The following KLHL1 variants were observed in gnomAD, a reference collection of about 807,000 sequenced individuals.
The protein encoded by KLHL1 is kelch like family member 1.
A neutral mutation model predicts 77.7 loss-of-function variants in KLHL1; 47 were observed. The observed-to-expected ratio is 0.60, with a 90% CI of 0.48 to 0.77. The LOEUF is 0.77. Among genes scored for constraint, KLHL1 ranks in the 30% least tolerant of loss-of-function variants. The pLI, the probability that KLHL1 is intolerant of heterozygous loss-of-function variation, is 0.00. For synonymous variants in KLHL1, 360 were observed against 325.2 expected (o/e 1.11, Z -1.15); for missense variants, 925 against 910.8 (o/e 1.02, Z -0.20).
chr13:69,749,009 C>T (rs7990295), intron 7 of KLHL1, among the ~76,000 whole-genome samples: 62,507 of 151,760 alleles, frequency 0.41, 13,045 homozygotes, highest in African/African-American at 0.46. Context: ...AAAATATTCA[C>T]ACTTTATGCT....
At chr13:69,855,191 A>G (rs1328132932) in intron 5 of KLHL1, among the ~76,000 whole-genome samples, 2 of 152,004 alleles carry the variant, frequency 1.3e-5, no homozygotes, top group African/African-American at 2.4e-5. Flanking sequence ...AGAACCATAA[A>G]ACAGACTGTC....
At chr13:69,923,728 T>A (rs1342262529) in intron 4 of KLHL1, among the ~76,000 whole-genome samples, 1 of 152,160 alleles carries the variant, frequency 6.6e-6, no homozygotes, top group Non-Finnish European at 1.5e-5. Flanking sequence ...GAGCAGCTGC[T>A]GCGATGATGC....
intron 9 of KLHL1, among the ~76,000 whole-genome samples, chr13:69,714,940 G>A (rs1225207790): frequency 6.6e-6 from 1 of 152,030 alleles, no homozygotes; most frequent in Non-Finnish European, 1.5e-5. Context: ...ATTTATTCGT[G>A]CATATTTGTA....
At chr13:69,794,744 A>G (rs1877030137) in intron 7 of KLHL1, among the ~76,000 whole-genome samples, 2 of 152,204 alleles carry the variant, frequency 1.3e-5, no homozygotes. Flanking sequence ...AGGGATAGCA[A>G]GAATGTAAAA....
chr13:69,910,397 A>T (rs1254936250), intron 4 of KLHL1, among the ~76,000 whole-genome samples: 1 of 152,068 alleles, frequency 6.6e-6, no homozygotes, highest in Non-Finnish European at 1.5e-5. Flanking sequence ...ATTTTGACTG[A>T]TGTATTAGTA....
At chr13:70,031,256 A>G (rs759408054) in intron 1 of KLHL1, among the ~76,000 whole-genome samples, 13 of 152,122 alleles carry the variant, frequency 8.5e-5, no homozygotes, top group African/African-American at 1.4e-4. Flanking sequence ...GCTCCTATAC[A>G]CATCACCTTG....
intron 5 of KLHL1, among the ~76,000 whole-genome samples, chr13:69,867,687 T>C (rs560722512): frequency 6.6e-6 from 1 of 152,034 alleles, no homozygotes; most frequent in Admixed American, 6.6e-5. Context: ...AAGAGAGGGT[T>C]TGTAAGTATA....
intron 1 of KLHL1, among the ~76,000 whole-genome samples, chr13:70,027,073 T>C (rs929181816): frequency 1.3e-5 from 2 of 152,078 alleles, no homozygotes; most frequent in Non-Finnish European, 1.5e-5. Flanking sequence ...GTAGTAAAGA[T>C]ATATTCTTAA....
chr13:69,768,729 C>T (rs909818648), intron 7 of KLHL1, among the ~76,000 whole-genome samples: 1 of 151,966 alleles, frequency 6.6e-6, no homozygotes, highest in Non-Finnish European at 1.5e-5. Flanking sequence ...AGTTAATACA[C>T]TGTTTATGTT....
chr13:69,745,151 G>A (rs1566205641), intron 7 of KLHL1, among the ~76,000 whole-genome samples: 1 of 151,852 alleles, frequency 6.6e-6, no homozygotes, highest in Non-Finnish European at 1.5e-5. Flanking sequence ...TAGTCATCCT[G>A]ATGAGTGAGT....
chr13:69,874,143 T>G (rs2138181006), intron 5 of KLHL1, among the ~76,000 whole-genome samples: 1 of 152,150 alleles, frequency 6.6e-6, no homozygotes, highest in East Asian at 1.9e-4. Flanking sequence ...CAAAAATAAT[T>G]TTTAAAAATT....
chr13:69,755,696 G>A (rs1331255837), intron 7 of KLHL1, among the ~76,000 whole-genome samples: 3 of 151,004 alleles, frequency 2.0e-5, no homozygotes, highest in Non-Finnish European at 4.4e-5. Flanking sequence ...TGCATTTCAC[G>A]TTAAAAAGTC....
intron 1 of KLHL1, among the ~76,000 whole-genome samples, chr13:70,067,425 T>C (rs1372286): frequency 0.33 from 50,703 of 151,958 alleles, 9,214 homozygotes; most frequent in African/African-American, 0.48. Flanking sequence ...GAAAGAATTG[T>C]CAAATGTCAC....
chr13:70,020,807 A>ATGCCTG (rs1467782353), intron 1 of KLHL1, among the ~76,000 whole-genome samples: 2 of 38,570 alleles, frequency 5.2e-5, no homozygotes, highest in Non-Finnish European at 1.3e-4. Context: ...GTATATGCAT[A>ATGCCTG]CATACACATA....
At chr13:70,091,486 A>G (rs1378764863) in intron 1 of KLHL1, among the ~76,000 whole-genome samples, 2 of 152,124 alleles carry the variant, frequency 1.3e-5, no homozygotes, top group East Asian at 3.9e-4. Flanking sequence ...ACTCTCTAAA[A>G]GAGTCCATCC....
chr13:69,716,388 A>G (rs1459353434), intron 9 of KLHL1, among the ~76,000 whole-genome samples: 1 of 151,954 alleles, frequency 6.6e-6, no homozygotes, highest in East Asian at 1.9e-4. Flanking sequence ...GTATCAGCAC[A>G]TGGCACCTAG....
intron 3 of KLHL1, among the ~76,000 whole-genome samples, chr13:69,947,524 A>AT (rs541590745): frequency 8.6e-5 from 13 of 151,856 alleles, no homozygotes; most frequent in South Asian, 6.2e-4. Context: ...ATTTAGACAG[A>AT]TTTTTTTTCA....
intron 6 of KLHL1, among the ~76,000 whole-genome samples, chr13:69,813,087 A>G (rs530360760): frequency 8.0e-4 from 122 of 152,026 alleles, no homozygotes; most frequent in Non-Finnish European, 1.6e-3. Flanking sequence ...ATGTTCATCA[A>G]TGATAGACTG....
chr13:70,034,783 A>G (rs1015874974), intron 1 of KLHL1, among the ~76,000 whole-genome samples: 2 of 152,166 alleles, frequency 1.3e-5, no homozygotes, highest in Admixed American at 6.5e-5. Flanking sequence ...TTAAACAGCT[A>G]TGTAAAGTTT....
Sources: allele counts gnomAD v4.1 joint callset (sites outside exome capture counted in the v4.1 genomes callset), GRCh38; gene constraint gnomAD v4.1.1; transcripts MANE v1.5; gene names NCBI Gene and HGNC (gene_info 2026-07-23, HGNC 2026-07-21).